EIF4E: variants seen among roughly 807,000 people sequenced by gnomAD.
EIF4E encodes the protein eIF-4F 25 kDa subunit.
For missense variants in EIF4E, 113 were observed against 265.6 expected (o/e 0.43, Z 3.99); for synonymous variants, 71 against 88.5 (o/e 0.80, Z 1.11).
rs78910255 is a variant in EIF4E, at chr4:98,925,407, T to C, written c.18+3688A>G. Among the ~76,000 whole-genome samples, 1,345 of 152,326 alleles carry C rather than the reference T, an allele frequency of 8.8e-3. 22 individuals carry two copies. The highest frequency in any genetic ancestry group is 0.031 in the African/African-American group (1,283 of 41,568). On this transcript the variant is annotated intron_variant, in intron 1 of 6. Coordinates refer to ENST00000450253, the MANE Select transcript of EIF4E (RefSeq NM_001968.5). Reference sequence around the variant, plus strand: ...CGACCTACTGGAGGTAAGATGGCCTTGCCATTTTCACAGACTAATATTAAA... The same window carrying C: ...CGACCTACTGGAGGTAAGATGGCCTCGCCATTTTCACAGACTAATATTAAA...
rs143783545 is a variant in EIF4E, at chr4:98,894,384, G to A, written c.126-3052C>T. Among the ~76,000 whole-genome samples the A allele has an allele frequency of 1.3e-4, 20 of 152,330 alleles. No homozygotes were observed. In the East Asian group the frequency reaches 1.7e-3, roughly 13 times the overall value. The stretch of plus-strand genomic sequence containing the variant: ...TCTTCTTCCAGTAGAAGGCTGTTTC[G>A]TTTACACTGAAAATCTGTTTTTAGT... On this transcript the variant is annotated intron_variant, in intron 2 of 6. Coordinates refer to ENST00000450253, the MANE Select transcript of EIF4E (RefSeq NM_001968.5).
At chr4:98,923,006 C>A (rs1725717166) in intron 1 of EIF4E, among the ~76,000 whole-genome samples, 1 of 151,888 alleles carries the variant, frequency 6.6e-6, no homozygotes. Context: ...TGCCACCATA[C>A]CCAGCTAATT....
intron 2 of EIF4E, among the ~76,000 whole-genome samples, chr4:98,898,326 C>A (rs773463631): frequency 1.7e-4 from 26 of 152,084 alleles, no homozygotes; most frequent in Non-Finnish European, 2.9e-4. Flanking sequence ...GGCAAAAATG[C>A]GGCCAGGTGC....
intron 1 of EIF4E, among the ~76,000 whole-genome samples, chr4:98,923,756 AAGC>A (rs1189782664): frequency 2.6e-5 from 4 of 152,226 alleles, no homozygotes; most frequent in African/African-American, 9.6e-5. Flanking sequence ...GATAATTAAA[AAGC>A]AGCAATGTGA....
At chr4:98,890,009 C>G (rs1287943489) in intron 3 of EIF4E, among the ~76,000 whole-genome samples, 1 of 152,052 alleles carries the variant, frequency 6.6e-6, no homozygotes. Flanking sequence ...AGTGTCAATG[C>G]TTTTAATAAA....
chr4:98,925,505 A>T (rs549839033), intron 1 of EIF4E, among the ~76,000 whole-genome samples: 59 of 152,272 alleles, frequency 3.9e-4, no homozygotes, highest in African/African-American at 1.4e-3. Flanking sequence ...TAACGTTCAA[A>T]TTTTTGCCAA....
chr4:98,924,442 G>C (rs903824479), intron 1 of EIF4E, among the ~76,000 whole-genome samples: 2 of 152,016 alleles, frequency 1.3e-5, no homozygotes, highest in South Asian at 2.1e-4. Flanking sequence ...ACAGTTTTCT[G>C]TCCAAACTAG....
At chr4:98,896,931 G>A (rs1428702498) in intron 2 of EIF4E, among the ~76,000 whole-genome samples, 1 of 152,090 alleles carries the variant, frequency 6.6e-6, no homozygotes, top group Non-Finnish European at 1.5e-5. Flanking sequence ...CCCCAGCCTG[G>A]GTGACAGAGT....
rs1259426994 is a variant in EIF4E, at chr4:98,880,751, T to C, written c.*277A>G. 1 of 295,324 alleles carries C rather than the reference T, an allele frequency of 3.4e-6. No individual in the cohort carries two copies. Among genetic ancestry groups the C allele is most frequent in the Non-Finnish European group, 6.4e-6 (1 of 156,324 alleles). 18.3% of individuals were successfully genotyped at this position (295,324 alleles called of 1,614,324 possible). A position where few individuals can be genotyped will look rare whatever the true frequency, so the allele number is the denominator to read the frequency against. On this transcript the variant is annotated 3_prime_UTR_variant, in exon 7 of 7. Coordinates refer to ENST00000450253, the MANE Select transcript of EIF4E (RefSeq NM_001968.5). ...GTAATTAATGGTAATTCTACTGAAC[T>C]ATTACAGAGTGGGCCAGGAACACAT...
intron 1 of EIF4E, among the ~76,000 whole-genome samples, chr4:98,915,930 C>A (rs1254874645): frequency 6.6e-6 from 1 of 151,758 alleles, no homozygotes; most frequent in African/African-American, 2.4e-5. Context: ...TCTGCTCATG[C>A]CTGTAATCCC....
At chr4:98,918,925 A>G (rs1172662428) in intron 1 of EIF4E, among the ~76,000 whole-genome samples, 1 of 152,224 alleles carries the variant, frequency 6.6e-6, no homozygotes, top group Non-Finnish European at 1.5e-5. Context: ...CTGCCTGGAT[A>G]GGGATCAGCT....
rs1215905489 is a variant in EIF4E, at chr4:98,880,364, A to T, written c.*664T>A. The T allele has an allele frequency of 9.2e-6, 1 of 108,572 alleles. No individual in the cohort carries two copies. Among genetic ancestry groups the T allele is most frequent in the East Asian group, 2.3e-4 (1 of 4,284 alleles). 6.7% of individuals were successfully genotyped at this position (108,572 alleles called of 1,614,324 possible). A position where few individuals can be genotyped will look rare whatever the true frequency, so the allele number is the denominator to read the frequency against. ...TTTGTAGTTACAAAAAACAAAAAAA[A>T]TTACCAAAGAATGCACAAAATTAAT... On this transcript the variant is annotated 3_prime_UTR_variant, in exon 7 of 7. Transcript: ENST00000450253.
At chr4:98,906,349 C>A (rs1724873669) in intron 1 of EIF4E, among the ~76,000 whole-genome samples, 1 of 152,170 alleles carries the variant, frequency 6.6e-6, no homozygotes, top group African/African-American at 2.4e-5. Flanking sequence ...TGCTGGTCCA[C>A]AAACTGGTTA....
chr4:98,920,369 C>T (rs974835842), intron 1 of EIF4E, among the ~76,000 whole-genome samples: 2 of 151,628 alleles, frequency 1.3e-5, no homozygotes, highest in Non-Finnish European at 1.5e-5. Flanking sequence ...GGCACCATCT[C>T]GGCTCACTGC....
At chr4:98,890,090 G>A (rs1363709504) in intron 3 of EIF4E, among the ~76,000 whole-genome samples, 1 of 152,090 alleles carries the variant, frequency 6.6e-6, no homozygotes, top group Non-Finnish European at 1.5e-5. Flanking sequence ...GGTTTTAATC[G>A]TATGCTTTGC....
chr4:98,915,362 C>T (rs1725332657), intron 1 of EIF4E, among the ~76,000 whole-genome samples: 1 of 151,002 alleles, frequency 6.6e-6, no homozygotes, highest in African/African-American at 2.4e-5. Flanking sequence ...TACCAGAGAA[C>T]ACCTAGTTGT....
intron 1 of EIF4E, among the ~76,000 whole-genome samples, chr4:98,927,466 G>T (rs1371541010): frequency 6.7e-6 from 1 of 148,324 alleles, no homozygotes; most frequent in African/African-American, 2.5e-5. Flanking sequence ...GACCAGCCTG[G>T]CCAACATGGT....
intron 3 of EIF4E, among the ~76,000 whole-genome samples, chr4:98,888,344 A>G (rs531681910): frequency 1.3e-5 from 2 of 152,264 alleles, no homozygotes; most frequent in Admixed American, 1.3e-4. Flanking sequence ...AAAAACAAAA[A>G]CAAAAACCAG....
intron 5 of EIF4E, chr4:98,886,767 G>A (rs978938978): frequency 2.4e-5 from 9 of 372,214 alleles, no homozygotes; most frequent in Non-Finnish European, 4.1e-5. Context: ...TGCTGTAAGA[G>A]GGTTGCAAAA....
Sources: allele counts gnomAD v4.1 joint callset (sites outside exome capture counted in the v4.1 genomes callset), GRCh38; gene constraint gnomAD v4.1.1; transcripts MANE v1.5; gene names NCBI Gene and HGNC (gene_info 2026-07-23, HGNC 2026-07-21).